Variants in WASHC5 observed in about 807,000 individuals in gnomAD.
WASHC5 encodes the protein WASH complex subunit strumpellin.
A neutral mutation model predicts 150.4 loss-of-function variants in WASHC5; 101 were observed. That is an observed-to-expected ratio of 0.67 (90% CI 0.57 to 0.79). WASHC5 has a LOEUF of 0.79. Among genes scored for constraint, WASHC5 ranks in the 30% least tolerant of loss-of-function variants. WASHC5 has a pLI of 0.00. For missense variants in WASHC5, 1,195 were observed against 1,396.3 expected, an observed-to-expected ratio of 0.86 and a Z score of 2.30; for synonymous variants, 467 against 491.2, an observed-to-expected ratio of 0.95 and a Z score of 0.65.
chr8:125,087,689 T>C (rs1026208736), intron 1 of WASHC5, among the ~76,000 whole-genome samples: 4 of 146,558 alleles, frequency 2.7e-5, no homozygotes, highest in African/African-American at 1.0e-4. Context: ...GCCATGATCG[T>C]GCCACTGCAC....
At chr8:125,068,524 T>C (rs1460974128) in intron 9 of WASHC5, among the ~76,000 whole-genome samples, 1 of 152,178 alleles carries the variant, frequency 6.6e-6, no homozygotes, top group African/African-American at 2.4e-5. Context: ...CTTTGCAGAT[T>C]TTGCTTTCTA....
At chr8:125,043,785 A>G (rs779816665) in intron 23 of WASHC5, 40 bp downstream of exon 23, 1 of 1,395,054 alleles carries the variant, frequency 7.2e-7, no homozygotes, top group East Asian at 2.3e-5. Context: ...AAATTTAAAA[A>G]TGTAAGTATT....
intron 16 of WASHC5, among the ~76,000 whole-genome samples, 200 bp from the exon 17 acceptor site, chr8:125,055,871 T>C (rs1363629507): frequency 1.3e-5 from 2 of 152,344 alleles, no homozygotes; most frequent in East Asian, 1.9e-4. Context: ...TATTCTTTCA[T>C]GTTTGACAAA....
At chr8:125,082,972 G>C (rs1817315407) in intron 3 of WASHC5, 141 bp downstream of exon 3, 1 of 593,554 alleles carries the variant, frequency 1.7e-6, no homozygotes, top group African/African-American at 1.9e-5. Flanking sequence ...CAGTGCCACA[G>C]GTAGGAAAAG....
intron 10 of WASHC5, among the ~76,000 whole-genome samples, 187 bp downstream of exon 10, chr8:125,067,405 A>C (rs1816774119): frequency 6.6e-6 from 1 of 152,192 alleles, no homozygotes; most frequent in Non-Finnish European, 1.5e-5. Context: ...CTGTATCCCC[A>C]GTGAAAGGAG....
In WASHC5 at chr8:125,079,104, G is replaced by A. The variant is rs182856252; in HGVS notation, c.519-174C>T. Among the ~76,000 whole-genome samples the A allele has an allele frequency of 0.064, 5,110 of 80,332 alleles. 381 individuals carry two copies. The highest frequency in any genetic ancestry group is 0.24 in the African/African-American group (4,741 of 19,692). The allele number at this position is 80,332 out of a possible 152,430, so 52.7% of individuals were successfully genotyped here. On this transcript the variant is annotated intron_variant, in intron 5 of 28. Transcript: ENST00000318410. ...GATTCAAAATTATGTGTATATATAT[G>A]TGTGTGTGTGTGTATATATATATAT...
chr8:125,087,536 C>T (rs1329122089), intron 1 of WASHC5, among the ~76,000 whole-genome samples: 1 of 152,066 alleles, frequency 6.6e-6, no homozygotes, highest in Non-Finnish European at 1.5e-5. Context: ...CAAGACCAGT[C>T]TGGGCAACAA....
At chr8:125,090,187 T>C (rs1447262356) in intron 1 of WASHC5, among the ~76,000 whole-genome samples, 2 of 152,252 alleles carry the variant, frequency 1.3e-5, no homozygotes, top group African/African-American at 2.4e-5. Context: ...ATGTAACAAA[T>C]GGAATTTCCA....
At chr8:125,060,485 C>CAAAAAAAAA (rs58207257) in intron 12 of WASHC5, among the ~76,000 whole-genome samples, 26 of 130,246 alleles carry the variant, frequency 2.0e-4, no homozygotes, top group African/African-American at 6.4e-4. Flanking sequence ...GATTCCGTCT[C>CAAAAAAAAA]AAAAAAAAAA....
At chr8:125,032,948 G>A (rs943437819) in intron 26 of WASHC5, among the ~76,000 whole-genome samples, 11 of 151,894 alleles carry the variant, frequency 7.2e-5, no homozygotes, top group Non-Finnish European at 1.2e-4. Context: ...TGGAGATGGG[G>A]TCTTGCTATG....
rs544818109 is a variant in WASHC5, at chr8:125,054,696, G to A, written c.2097+895C>T. Among the ~76,000 whole-genome samples, 4 of 152,184 alleles carry A rather than the reference G, an allele frequency of 2.6e-5. No individual in the cohort carries two copies. The South Asian group carries it at 8.3e-4, about 32-fold the overall frequency. ...TAGCCGGGCATGGTGGTGGGCGCCTGTAGTCCCAGCTACTCGGGAGGCTGA... is the reference window on the plus strand; with the variant it reads ...TAGCCGGGCATGGTGGTGGGCGCCTATAGTCCCAGCTACTCGGGAGGCTGA... On this transcript the variant is annotated intron_variant, in intron 17 of 28. Coordinates refer to ENST00000318410, the MANE Select transcript of WASHC5 (RefSeq NM_014846.4).
chr8:125,076,386 T>C lies in WASHC5; in HGVS notation c.826A>G (p.Met276Val), dbSNP rs754764954. ...AAGTATTTATCCACTATCTCTCTCA[T>C]TTTTGCTTGATGGGTGTGAAGGATG... is the stretch of plus-strand genomic sequence containing the variant. Reference protein sequence around the residue: ...PSILHTHQAKMREIVDKYFPD... With the variant: ...PSILHTHQAKVREIVDKYFPD... Residue 276 changes from methionine to valine, a missense_variant, in exon 7 of 29, where the codon ATG (methionine) becomes GTG (valine). Physicochemically the swap from Met to Val is conservative, Grantham distance 21. Transcript: ENST00000318410. 1.2e-6 allele frequency: 2 copies of C among 1,613,984 alleles called. No individual in the cohort carries two copies. The highest frequency in any genetic ancestry group is 1.7e-6 in the Non-Finnish European group (2 of 1,179,902).
rs3834883 is a variant in WASHC5 at position 125,057,778 on chromosome 8, G to GCAACAACCACTGAATCTCATCAATAT, written c.1765-113_1765-112insATATTGATGAGATTCAGTGGTTGTTG. ...ACATTTGGGTTTTACCCAACAGAGGGCATTAATAGTTTCTGACAATACAGT... is the reference window on the plus strand; with the variant it reads ...ACATTTGGGTTTTACCCAACAGAGGGCAACAACCACTGAATCTCATCAATATCATTAATAGTTTCTGACAATACAGT... On this transcript the variant is annotated intron_variant, in intron 14 of 28. Coordinates refer to ENST00000318410, the MANE Select transcript of WASHC5 (RefSeq NM_014846.4). 2,660 of 749,484 alleles carry GCAACAACCACTGAATCTCATCAATAT rather than the reference G, an allele frequency of 3.5e-3. 47 individuals are homozygous for GCAACAACCACTGAATCTCATCAATAT. The African/African-American group carries it at 0.04, about 11-fold the overall frequency. The allele number at this position is 749,484 out of a possible 1,614,324, so 46.4% of individuals were successfully genotyped here.
chr8:125,082,968 C>A, intron 3 of WASHC5, 145 bp downstream of exon 3: 2 of 582,890 alleles, frequency 3.4e-6, no homozygotes, highest in Admixed American at 3.3e-5. Flanking sequence ...TGACCAGTGC[C>A]ACAGGTAGGA....
chr8:125,040,384 G>C (rs1815850852), intron 23 of WASHC5, among the ~76,000 whole-genome samples: 2 of 152,038 alleles, frequency 1.3e-5, no homozygotes, highest in Admixed American at 1.3e-4. Context: ...AGGATTATAG[G>C]TTCTATAATT....
intron 27 of WASHC5, among the ~76,000 whole-genome samples, chr8:125,030,139 GGAA>G (rs1019506218): frequency 5.3e-5 from 8 of 152,176 alleles, no homozygotes; most frequent in Non-Finnish European, 1.0e-4. Context: ...AAGAAAGAGA[GGAA>G]GAAGAACCTG....
rs1816160132 is a variant in WASHC5 at position 125,049,106 on chromosome 8, T to C, written c.2279A>G (p.Asp760Gly). Reference sequence around the variant, plus strand: ...CTTCAGACCATAAATGTTGACATAGTCCTGTATGTATTCAAAAGAACGATG... The same window carrying C: ...CTTCAGACCATAAATGTTGACATAGCCCTGTATGTATTCAAAAGAACGATG... ...GFHRSFEYIQ[D>G]YVNIYGLKIW... The change falls in exon 19 of 29, where the codon GAC (aspartate) becomes GGC (glycine). Residue 760 changes from aspartate to glycine, a missense_variant. Around this residue, in one of 3 missense-constraint regions of WASHC5, gnomAD observed 997 missense variants for 1,168.1 expected, o/e 0.85. Coordinates refer to ENST00000318410, the MANE Select transcript of WASHC5 (RefSeq NM_014846.4). The C allele has an allele frequency of 1.2e-6, 2 of 1,614,008 alleles. No homozygotes were observed. The highest frequency in any genetic ancestry group is 1.3e-5 in the African/African-American group (1 of 75,042).
At chr8:125,063,999 G>A (rs1816676987) in intron 10 of WASHC5, among the ~76,000 whole-genome samples, 2 of 152,096 alleles carry the variant, frequency 1.3e-5, no homozygotes, top group Non-Finnish European at 2.9e-5. Context: ...TTAAATTTGT[G>A]ACCACTGCTC....
intron 15 of WASHC5, 98 bp downstream of exon 15, chr8:125,057,458 G>T: frequency 1.2e-6 from 1 of 816,712 alleles, no homozygotes. Flanking sequence ...AAAAGGGAAA[G>T]AGACACGGAT....
Sources: allele counts gnomAD v4.1 joint callset (sites outside exome capture counted in the v4.1 genomes callset), GRCh38; gene constraint gnomAD v4.1.1; regional missense constraint gnomAD v4.1.1; transcripts MANE v1.5; gene names NCBI Gene and HGNC (gene_info 2026-07-23, HGNC 2026-07-21).